PRKAG2: variants seen among roughly 807,000 people sequenced by gnomAD.
The protein encoded by PRKAG2 is protein kinase AMP-activated non-catalytic subunit gamma 2, also known as 5'-AMP-activated protein kinase subunit gamma-2.
In PRKAG2, 26 loss-of-function variants were observed where a neutral mutation model predicts 69.6. The ratio of observed to expected loss-of-function variants is 0.37; its 90% CI spans 0.27 to 0.52. PRKAG2 has a LOEUF of 0.52. PRKAG2 is among the 20% of genes least tolerant of loss of function. The pLI, the probability that PRKAG2 is intolerant of heterozygous loss-of-function variation, is 0.90. For synonymous variants in PRKAG2, 293 were observed against 285.0 expected (o/e 1.03, Z -0.28); for missense variants, 557 against 740.0 (o/e 0.75, Z 2.87).
chr7:151,595,407 G>A lies in PRKAG2; in HGVS notation c.802C>T (p.His268Tyr), dbSNP rs910493614. Residue 268 changes from histidine to tyrosine, a missense_variant, in exon 6 of 16, where the codon CAC becomes TAC. By Grantham distance (83) the His-to-Tyr change is moderately conservative. Around this residue, in one of 2 missense-constraint regions of PRKAG2, gnomAD observed 205 missense variants for 383.4 expected, o/e 0.53. Coordinates refer to ENST00000287878, the MANE Select transcript of PRKAG2 (RefSeq NM_016203.4). Reference sequence around the variant, plus strand: ...GTTGGAACGATGTCATAACACTTGTGTGACCTCATGAATCGCATGTAAACA... The same window carrying A: ...GTTGGAACGATGTCATAACACTTGTATGACCTCATGAATCGCATGTAAACA... ...SGVYMRFMRS[H>Y]KCYDIVPTSS... 6.2e-7 allele frequency: 1 copy of A among 1,613,916 alleles called. No homozygotes were observed. Among genetic ancestry groups the A allele is most frequent in the Non-Finnish European group, 8.5e-7 (1 of 1,180,014 alleles).
rs547753548 is a variant in PRKAG2 at position 151,830,656 on chromosome 7, C to T, written c.115-44115G>A. ...ACTCATGAGGGGCAGCAAAGAGCCC[C>T]GGGGGCGGGGGGAAGAGGAACCAGA... On this transcript the variant is annotated intron_variant, in intron 1 of 15. Coordinates refer to ENST00000287878, the MANE Select transcript of PRKAG2 (RefSeq NM_016203.4). Among the ~76,000 whole-genome samples, 23 of 151,740 alleles carry T rather than the reference C, an allele frequency of 1.5e-4. 1 individual carries two copies. The highest frequency in any genetic ancestry group is 5.9e-4 in the Admixed American group (9 of 15,242).
In PRKAG2 at chr7:151,780,045, C is replaced by A. The variant is rs532917164; in HGVS notation, c.466+1107G>T. Among the ~76,000 whole-genome samples, 1 of 152,282 alleles carries A rather than the reference C, an allele frequency of 6.6e-6. No homozygotes were observed. Among genetic ancestry groups the A allele is most frequent in the South Asian group, 2.1e-4 (1 of 4,820 alleles). ...CTGCCCCCCACAACACACACACAAC[C>A]CACAGGCGGGAGCACCTTCATTTGT... On this transcript the variant is annotated intron_variant, in intron 3 of 15. Coordinates refer to ENST00000287878, the MANE Select transcript of PRKAG2 (RefSeq NM_016203.4). The surrounding 1 kb of genome is among the most constrained non-coding windows in gnomAD (Gnocchi z 4.2).
In PRKAG2 at chr7:151,568,862, A is replaced by G; in HGVS notation, c.1107-20T>C. 6.2e-7 allele frequency: 1 copy of G among 1,613,104 alleles called. No individual in the cohort carries two copies. The highest frequency in any genetic ancestry group is 1.7e-5 in the Admixed American group (1 of 60,000). ...AAGAGGCTGTGGGAGAAGTCATTAAAGTTGTTAGGAGGCTTTCGAGAAAAA... is the reference window on the plus strand; with the variant it reads ...AAGAGGCTGTGGGAGAAGTCATTAAGGTTGTTAGGAGGCTTTCGAGAAAAA... On this transcript the variant is annotated intron_variant, in intron 10 of 15. Coordinates refer to ENST00000287878, the MANE Select transcript of PRKAG2 (RefSeq NM_016203.4).
At chr7:151,601,665 A>AC (rs1320288737) in intron 5 of PRKAG2, among the ~76,000 whole-genome samples, 8 of 152,162 alleles carry the variant, frequency 5.3e-5, no homozygotes, top group Admixed American at 5.2e-4. Flanking sequence ...CTGGGACATC[A>AC]CCCCCGTCAT....
intron 1 of PRKAG2, among the ~76,000 whole-genome samples, chr7:151,853,651 T>G (rs1207032663): frequency 6.6e-6 from 1 of 151,214 alleles, no homozygotes; most frequent in East Asian, 2.0e-4. Context: ...TCCCAGCTAC[T>G]CCGGAGGCTG....
At chr7:151,596,268 A>C (rs1195285379) in intron 5 of PRKAG2, among the ~76,000 whole-genome samples, 1 of 152,230 alleles carries the variant, frequency 6.6e-6, no homozygotes, top group Non-Finnish European at 1.5e-5. Context: ...AAATTCAGTA[A>C]AGTTACAAGA....
intron 3 of PRKAG2, among the ~76,000 whole-genome samples, chr7:151,767,833 G>A (rs1025709316): frequency 2.6e-5 from 4 of 151,974 alleles, no homozygotes; most frequent in African/African-American, 9.7e-5. Flanking sequence ...GGAAGAACTG[G>A]CCAAAAGCTC....
intron 3 of PRKAG2, among the ~76,000 whole-genome samples, chr7:151,773,050 A>AGAGGGAGGGAGG (rs71198730): frequency 3.1e-5 from 1 of 32,574 alleles, no homozygotes; most frequent in Non-Finnish European, 5.8e-5. Context: ...AGAGAGAGAG[A>AGAGGGAGGGAGG]GAGGGAGGGA....
At chr7:151,796,759 C>T (rs1304258390) in intron 1 of PRKAG2, among the ~76,000 whole-genome samples, 4 of 152,052 alleles carry the variant, frequency 2.6e-5, no homozygotes, top group African/African-American at 4.8e-5. Flanking sequence ...TAAGCTGGGG[C>T]GTAAATGACT....
At chr7:151,738,754 T>C (rs1160145406) in intron 3 of PRKAG2, among the ~76,000 whole-genome samples, 3 of 152,234 alleles carry the variant, frequency 2.0e-5, no homozygotes, top group Admixed American at 6.5e-5. Flanking sequence ...TGTTAATAAA[T>C]ATGTGGGTAA....
At chr7:151,726,402 G>GCACACACGCA (rs1797979696) in intron 3 of PRKAG2, among the ~76,000 whole-genome samples, 1 of 101,906 alleles carries the variant, frequency 9.8e-6, no homozygotes, top group African/African-American at 3.7e-5. Flanking sequence ...ACACACACAC[G>GCACACACGCA]CACACACACA....
At chr7:151,873,266 A>AC (rs1039540260) in intron 1 of PRKAG2, among the ~76,000 whole-genome samples, 1 of 151,924 alleles carries the variant, frequency 6.6e-6, no homozygotes. Context: ...TGGGAGTATC[A>AC]CCCCCACTTC....
Position 151,836,118 on chromosome 7 carries a change from C to T in PRKAG2, c.114+40389G>A, listed in dbSNP as rs144140305. On this transcript the variant is annotated intron_variant, in intron 1 of 15. Coordinates refer to ENST00000287878, the MANE Select transcript of PRKAG2 (RefSeq NM_016203.4). The surrounding 1 kb of genome is among the most constrained non-coding windows in gnomAD (Gnocchi z 4.1). ...TGTGATTACAATGAATATTCATGAC[C>T]GCTTCCCATATCCTGAGTTTTGTCT... Among the ~76,000 whole-genome samples the T allele has an allele frequency of 2.2e-3, 340 of 152,308 alleles. 1 individual carries two copies. Among genetic ancestry groups the T allele is most frequent in the Admixed American group, 4.0e-3 (61 of 15,302 alleles).
At chr7:151,629,299 G>A (rs1823799697) in intron 5 of PRKAG2, among the ~76,000 whole-genome samples, 1 of 152,128 alleles carries the variant, frequency 6.6e-6, no homozygotes, top group Non-Finnish European at 1.5e-5. Flanking sequence ...CAGCAGGAGC[G>A]GCCCCTGTGC....
chr7:151,578,710 G>C (rs905076017), intron 6 of PRKAG2, among the ~76,000 whole-genome samples: 2 of 152,194 alleles, frequency 1.3e-5, no homozygotes, highest in Non-Finnish European at 2.9e-5. Flanking sequence ...GAGAGCAACA[G>C]TAACTGAGCA....
rs370785038 is a variant in PRKAG2, at chr7:151,611,958, T to A, written c.755-16504A>T. The stretch of plus-strand genomic sequence containing the variant: ...TACTCGAGAGACTGAGGCTTGAGAA[T>A]GTCTTGAACCTGGGAGGCGGAGGAT... On this transcript the variant is annotated intron_variant, in intron 5 of 15. Coordinates refer to ENST00000287878, the MANE Select transcript of PRKAG2 (RefSeq NM_016203.4). Among the ~76,000 whole-genome samples, 103 of 152,234 alleles carry A rather than the reference T, an allele frequency of 6.8e-4. 1 individual carries two copies. The Middle Eastern group carries it at 0.031, about 45-fold the overall frequency.
rs748424216 is a variant in PRKAG2 at position 151,780,483 on chromosome 7, C to T, written c.466+669G>A. ...TAGACAAAGGAAAGGAGAAAGTAAA[C>T]GCCATAAACTTTCTAGTTCGTGGTA... On this transcript the variant is annotated intron_variant, in intron 3 of 15. Coordinates refer to ENST00000287878, the MANE Select transcript of PRKAG2 (RefSeq NM_016203.4). The surrounding 1 kb of genome is among the most constrained non-coding windows in gnomAD (Gnocchi z 4.2). 1.1e-3 allele frequency among the ~76,000 whole-genome samples: 163 copies of T among 152,314 alleles called. 1 individual carries two copies. The highest frequency in any genetic ancestry group is 1.3e-3 in the Non-Finnish European group (90 of 68,018).
At position 151,848,674 on chromosome 7, in the gene PRKAG2, G is replaced by A. The variant is rs955085391; in HGVS notation, c.114+27833C>T. Among the ~76,000 whole-genome samples, 8 of 151,602 alleles carry A rather than the reference G, an allele frequency of 5.3e-5. No individual in the cohort carries two copies. In the South Asian group the frequency reaches 8.3e-4, roughly 16 times the overall value. On this transcript the variant is annotated intron_variant, in intron 1 of 15. Coordinates refer to ENST00000287878, the MANE Select transcript of PRKAG2 (RefSeq NM_016203.4). ...TGAGTAGCTGGGATTACAGGCCCCCGCCACCACCCCTGGCTAATTTTCATA... is the reference window on the plus strand; with the variant it reads ...TGAGTAGCTGGGATTACAGGCCCCCACCACCACCCCTGGCTAATTTTCATA...
chr7:151,745,562 T>G (rs1322003067), intron 3 of PRKAG2, among the ~76,000 whole-genome samples: 1 of 151,960 alleles, frequency 6.6e-6, no homozygotes, highest in Non-Finnish European at 1.5e-5. Flanking sequence ...GGAGCCTGAG[T>G]CTCTGAGTGA....
Sources: allele counts gnomAD v4.1 joint callset (sites outside exome capture counted in the v4.1 genomes callset), GRCh38; gene constraint gnomAD v4.1.1; regional missense constraint gnomAD v4.1.1; non-coding constraint Gnocchi (gnomAD v3.1); transcripts MANE v1.5; gene names NCBI Gene and HGNC (gene_info 2026-07-23, HGNC 2026-07-21).